Variants in NEDD4L observed in about 807,000 individuals in gnomAD.
NEDD4L encodes E3 ubiquitin-protein ligase NEDD4-like.
NEDD4L carries 54 observed loss-of-function variants against 148.9 expected under a neutral mutation model. The ratio of observed to expected loss-of-function variants is 0.36; its 90% CI spans 0.29 to 0.45. NEDD4L has a LOEUF of 0.45. NEDD4L is among the 20% of genes least tolerant of loss of function. The probability of loss-of-function intolerance (pLI) is 1.00; values close to 1 mark genes in which losing one functional copy is unlikely to be tolerated. For synonymous variants in NEDD4L, 433 were observed against 440.7 expected, an observed-to-expected ratio of 0.98 and a Z score of 0.22; for missense variants, 856 against 1,233.8, an observed-to-expected ratio of 0.69 and a Z score of 4.59.
In NEDD4L at chr18:58,339,969, G is replaced by C. The variant is rs78239889; in HGVS notation, c.1126-1069G>C. ...ACTGCTAAAATATCTGGAAGTAAAA[G>C]AAGCAGCTTCCTTTTGTAACCTCAC... On this transcript the variant is annotated intron_variant, in intron 13 of 30. Transcript: ENST00000400345. Among the ~76,000 whole-genome samples the C allele has an allele frequency of 3.3e-5, 5 of 152,304 alleles. No homozygotes were observed. The East Asian group carries it at 9.6e-4, about 29-fold the overall frequency.
intron 6 of NEDD4L, among the ~76,000 whole-genome samples, chr18:58,318,520 G>A (rs576894006): frequency 6.6e-6 from 1 of 152,338 alleles, no homozygotes; most frequent in African/African-American, 2.4e-5. Flanking sequence ...TTGTACCACT[G>A]CGCTCCAGCC....
intron 13 of NEDD4L, among the ~76,000 whole-genome samples, chr18:58,336,742 G>A (rs1369846438): frequency 6.6e-6 from 1 of 152,198 alleles, no homozygotes; most frequent in Non-Finnish European, 1.5e-5. Context: ...ACTGGCAACA[G>A]TCAGCCCCAG....
chr18:58,220,356 G>A (rs1014558382), intron 2 of NEDD4L, among the ~76,000 whole-genome samples: 2 of 151,976 alleles, frequency 1.3e-5, no homozygotes, highest in African/African-American at 2.4e-5. Context: ...TAGTGAGATC[G>A]TGCCACTGCA....
chr18:58,245,281 A>G (rs541716333), intron 2 of NEDD4L, 146 bp from the exon 3 acceptor site: 16 of 484,174 alleles, frequency 3.3e-5, no homozygotes, highest in African/African-American at 2.9e-4. Flanking sequence ...TTGACTTAGT[A>G]GATATGTTAA....
chr18:58,127,191 T>C (rs2031273607), intron 1 of NEDD4L, among the ~76,000 whole-genome samples: 1 of 152,206 alleles, frequency 6.6e-6, no homozygotes, highest in Non-Finnish European at 1.5e-5. Flanking sequence ...TAGATTCCAG[T>C]TGAGCTTAAA....
intron 22 of NEDD4L, among the ~76,000 whole-genome samples, chr18:58,369,159 A>AG (rs1420754022): frequency 1.3e-5 from 2 of 151,982 alleles, no homozygotes; most frequent in Non-Finnish European, 2.9e-5. Flanking sequence ...CTGGAGGCTC[A>AG]GGGAATCTTT....
chr18:58,357,361 T>A, intron 19 of NEDD4L, 109 bp downstream of exon 19: 1 of 991,496 alleles, frequency 1.0e-6, no homozygotes, highest in Non-Finnish European at 1.6e-6. Context: ...GGTGATTGAG[T>A]AGTTGACTAG....
At chr18:58,073,343 G>A (rs768772878) in intron 1 of NEDD4L, among the ~76,000 whole-genome samples, 1 of 152,106 alleles carries the variant, frequency 6.6e-6, no homozygotes, top group East Asian at 1.9e-4. Context: ...CAATTTCAAA[G>A]CTTTGCTACA....
rs759075234 is a variant in NEDD4L, at chr18:58,341,005, G to A, written c.1126-33G>A. ...AAACTGATCAGAAAACAAATGCAAG[G>A]TATTAAATAATAATGATTTCTTGCA... On this transcript the variant is annotated intron_variant, in intron 13 of 30. Coordinates refer to ENST00000400345, the MANE Select transcript of NEDD4L (RefSeq NM_001144967.3). 73 of 1,589,584 alleles carry A rather than the reference G, an allele frequency of 4.6e-5. No individual in the cohort carries two copies. In the South Asian group the frequency reaches 8.4e-4, roughly 18 times the overall value.
At chr18:58,083,143 T>C (rs1183014462) in intron 1 of NEDD4L, among the ~76,000 whole-genome samples, 2 of 152,196 alleles carry the variant, frequency 1.3e-5, no homozygotes, top group Non-Finnish European at 2.9e-5. Context: ...AAATGTTTAT[T>C]GACTGAATGA....
chr18:58,210,542 A>G (rs1277356249), intron 2 of NEDD4L, among the ~76,000 whole-genome samples: 5 of 152,156 alleles, frequency 3.3e-5, no homozygotes, highest in Non-Finnish European at 7.4e-5. Context: ...TCCGCCTCCC[A>G]GGTTCAGGTG....
Position 58,114,085 on chromosome 18 carries a change from C to T in NEDD4L, c.49-51703C>T, listed in dbSNP as rs150100304. The stretch of plus-strand genomic sequence containing the variant: ...TTTTTTTGTGTTTTTAAAATATGAA[C>T]GTAGGCCCTGGCAGAGACAAGGCAG... On this transcript the variant is annotated intron_variant, in intron 1 of 30. Transcript: ENST00000400345. 2.6e-3 allele frequency among the ~76,000 whole-genome samples: 395 copies of T among 152,214 alleles called. 4 individuals are homozygous for T. Among genetic ancestry groups the T allele is most frequent in the African/African-American group, 9.2e-3 (384 of 41,534 alleles).
chr18:58,108,508 C>T (rs944580915), intron 1 of NEDD4L, among the ~76,000 whole-genome samples: 1 of 152,166 alleles, frequency 6.6e-6, no homozygotes, highest in Non-Finnish European at 1.5e-5. Flanking sequence ...GCAACCTCCG[C>T]CTCCTGGGTT....
intron 1 of NEDD4L, chr18:58,046,872 C>T (rs2081608407): frequency 6.6e-6 from 1 of 152,204 alleles, no homozygotes; most frequent in Non-Finnish European, 1.5e-5. Flanking sequence ...TGAGTCTCAG[C>T]CGTCTTCCTT....
chr18:58,276,903 A>C (rs4941375), intron 5 of NEDD4L, among the ~76,000 whole-genome samples: 27,611 of 151,298 alleles, frequency 0.18, 2,725 homozygotes, highest in East Asian at 0.29. Context: ...CCTTGATATA[A>C]TTGTGCTAAG....
intron 2 of NEDD4L, among the ~76,000 whole-genome samples, chr18:58,178,047 G>C (rs957853914): frequency 1.3e-5 from 2 of 152,204 alleles, no homozygotes; most frequent in African/African-American, 4.8e-5. Context: ...CACTAAAGCA[G>C]CCTTGGGCAA....
intron 21 of NEDD4L, 98 bp from the exon 22 acceptor site, chr18:58,367,648 A>AG: frequency 7.6e-7 from 1 of 1,323,254 alleles, no homozygotes; most frequent in South Asian, 1.3e-5. Context: ...GAATGCTCGC[A>AG]GGGACACTGT....
intron 2 of NEDD4L, among the ~76,000 whole-genome samples, chr18:58,177,730 C>T (rs1361348677): frequency 6.6e-6 from 1 of 152,196 alleles, no homozygotes; most frequent in Non-Finnish European, 1.5e-5. Context: ...TTTGGAACTC[C>T]AGAATGTTGT....
chr18:58,287,392 C>T (rs931420147), intron 5 of NEDD4L, among the ~76,000 whole-genome samples: 5 of 152,036 alleles, frequency 3.3e-5, no homozygotes, highest in Non-Finnish European at 5.9e-5. Flanking sequence ...GGGAGCATAC[C>T]GTTTGTCTTC....
Sources: gnomAD v4.1 joint callset for allele counts (sites outside exome capture counted in the v4.1 genomes callset) on GRCh38, gnomAD v4.1.1 for gene constraint, MANE v1.5 for transcripts, NCBI Gene and HGNC (gene_info 2026-07-23, HGNC 2026-07-21) for gene names.